CCSER1: variants seen among roughly 807,000 people sequenced by gnomAD.
CCSER1 encodes serine-rich coiled-coil domain-containing protein 1.
A neutral mutation model predicts 82.0 loss-of-function variants in CCSER1; 41 were observed. That is an observed-to-expected ratio of 0.50 (90% CI 0.39 to 0.65). The LOEUF (loss-of-function observed/expected upper bound fraction) is 0.65, where lower values mean the gene tolerates loss of function less well. CCSER1 is among the 30% of genes least tolerant of loss of function. CCSER1 has a pLI of 0.00. For synonymous variants in CCSER1, 414 were observed against 383.9 expected (o/e 1.08, Z -0.92); for missense variants, 1,119 against 1,064.2 (o/e 1.05, Z -0.72).
At chr4:90,145,712 G>T (rs1393115292) in intron 1 of CCSER1, among the ~76,000 whole-genome samples, 1 of 152,000 alleles carries the variant, frequency 6.6e-6, no homozygotes, top group African/African-American at 2.4e-5. Flanking sequence ...GAAGTGTTTT[G>T]TAATCAAAAT....
At chr4:90,441,820 A>C (rs1329086020) in intron 4 of CCSER1, among the ~76,000 whole-genome samples, 1 of 152,254 alleles carries the variant, frequency 6.6e-6, no homozygotes, top group Non-Finnish European at 1.5e-5. Flanking sequence ...CTGATGGATG[A>C]ATGATTATAG....
At chr4:91,153,318 T>C (rs1730448684) in intron 10 of CCSER1, among the ~76,000 whole-genome samples, 2 of 152,124 alleles carry the variant, frequency 1.3e-5, no homozygotes, top group South Asian at 4.2e-4. Flanking sequence ...TTGAAGCTTG[T>C]GCATGCATCA....
At chr4:90,667,482 A>G (rs201850280) in intron 6 of CCSER1, among the ~76,000 whole-genome samples, 1 of 151,992 alleles carries the variant, frequency 6.6e-6, no homozygotes, top group African/African-American at 2.4e-5. Flanking sequence ...TTCTAATGCT[A>G]TCCCTCCCCA....
intron 10 of CCSER1, among the ~76,000 whole-genome samples, chr4:91,144,985 G>A (rs919467386): frequency 6.6e-6 from 1 of 152,036 alleles, no homozygotes; most frequent in Non-Finnish European, 1.5e-5. Flanking sequence ...AATTGGTCAA[G>A]TTTTGAATTT....
intron 9 of CCSER1, among the ~76,000 whole-genome samples, chr4:90,926,636 G>C (rs760189598): frequency 1.3e-5 from 2 of 151,822 alleles, no homozygotes; most frequent in Non-Finnish European, 2.9e-5. Flanking sequence ...AATGTGCTCT[G>C]ACTTCTAACG....
chr4:90,128,521 G>C (rs1030421142), intron 1 of CCSER1, among the ~76,000 whole-genome samples: 7 of 152,044 alleles, frequency 4.6e-5, no homozygotes, highest in African/African-American at 1.7e-4. Flanking sequence ...GTGTGTGCGC[G>C]CGCGCGCGCG....
chr4:90,705,403 T>C (rs1219873321), intron 6 of CCSER1, among the ~76,000 whole-genome samples: 1 of 152,190 alleles, frequency 6.6e-6, no homozygotes, highest in African/African-American at 2.4e-5. Context: ...GCCTCCCAGT[T>C]AGGCTATTCG....
At chr4:91,347,997 T>C (rs1578236837) in intron 10 of CCSER1, among the ~76,000 whole-genome samples, 1 of 152,104 alleles carries the variant, frequency 6.6e-6, no homozygotes. Context: ...CATTGGCTGG[T>C]ACTCCCAGTA....
intron 10 of CCSER1, among the ~76,000 whole-genome samples, chr4:91,439,087 T>C (rs963295118): frequency 2.6e-5 from 4 of 152,082 alleles, no homozygotes; most frequent in South Asian, 4.2e-4. Flanking sequence ...ACTTCCCCAA[T>C]CTAGCAAGGC....
At chr4:90,199,086 C>T (rs1221266872) in intron 1 of CCSER1, among the ~76,000 whole-genome samples, 3 of 152,088 alleles carry the variant, frequency 2.0e-5, no homozygotes, top group African/African-American at 7.2e-5. Context: ...TCTTTTGTAA[C>T]AAGAAACCAA....
intron 9 of CCSER1, among the ~76,000 whole-genome samples, chr4:91,066,735 G>A (rs1194754319): frequency 6.6e-6 from 1 of 152,070 alleles, no homozygotes; most frequent in East Asian, 1.9e-4. Context: ...AAAATAAAGT[G>A]GAGTGGACTA....
intron 10 of CCSER1, among the ~76,000 whole-genome samples, chr4:91,364,187 T>C (rs999633684): frequency 7.9e-5 from 12 of 152,112 alleles, no homozygotes; most frequent in Non-Finnish European, 1.0e-4. Context: ...TGATTATATG[T>C]TCAACTTTGT....
chr4:90,533,685 T>G (rs1774923591), intron 5 of CCSER1, among the ~76,000 whole-genome samples: 1 of 152,244 alleles, frequency 6.6e-6, no homozygotes, highest in Non-Finnish European at 1.5e-5. Context: ...CTATTCCATT[T>G]CTGCATTTTC....
intron 9 of CCSER1, among the ~76,000 whole-genome samples, chr4:90,957,098 C>CTTTTTTTT (rs1215668480): frequency 2.3e-5 from 2 of 86,680 alleles, no homozygotes; most frequent in African/African-American, 4.0e-5. Context: ...TCTTTCTTTC[C>CTTTTTTTT]TTTTTTTTTT....
At chr4:90,841,564 C>T (rs997206421) in intron 8 of CCSER1, among the ~76,000 whole-genome samples, 169 of 135,862 alleles carry the variant, frequency 1.2e-3, no homozygotes, top group Middle Eastern at 8.3e-3. Context: ...GGCGACAGAC[C>T]GAGACTCTGT....
At chr4:90,930,910 T>TTTTATA (rs375418729) in intron 9 of CCSER1, among the ~76,000 whole-genome samples, 7 of 109,650 alleles carry the variant, frequency 6.4e-5, no homozygotes, top group South Asian at 2.9e-4. Flanking sequence ...TATCCTTATT[T>TTTTATA]TATATATATA....
intron 10 of CCSER1, among the ~76,000 whole-genome samples, chr4:91,247,214 A>G (rs1284976332): frequency 2.0e-5 from 3 of 151,580 alleles, no homozygotes; most frequent in Non-Finnish European, 4.4e-5. Flanking sequence ...AGGCAGGAGA[A>G]TGGCATGAAC....
At chr4:90,411,205 G>A (rs949981772) in intron 4 of CCSER1, among the ~76,000 whole-genome samples, 2 of 152,102 alleles carry the variant, frequency 1.3e-5, no homozygotes, top group Admixed American at 6.5e-5. Context: ...ACAAGGAGGA[G>A]CTGGTACCAT....
chr4:90,814,632 G>A (rs1580609478), intron 7 of CCSER1, among the ~76,000 whole-genome samples: 6 of 152,058 alleles, frequency 3.9e-5, no homozygotes, highest in Admixed American at 3.3e-4. Context: ...TTGCTGCTTC[G>A]AAATTTCTTC....
Sources: gnomAD v4.1 joint callset for allele counts (sites outside exome capture counted in the v4.1 genomes callset) on GRCh38, gnomAD v4.1.1 for gene constraint, MANE v1.5 for transcripts, NCBI Gene and HGNC (gene_info 2026-07-23, HGNC 2026-07-21) for gene names.